The following ROBO2 variants were observed in gnomAD, a reference collection of about 807,000 sequenced individuals.
ROBO2 encodes the protein roundabout guidance receptor 2.
Under a neutral mutation model 160.8 loss-of-function variants are expected in ROBO2, and 53 were observed. The ratio of observed to expected loss-of-function variants is 0.33; its 90% CI spans 0.26 to 0.41. The LOEUF (loss-of-function observed/expected upper bound fraction) is 0.41. ROBO2 is among the 10% of genes least tolerant of loss of function. The pLI, the probability that ROBO2 is intolerant of heterozygous loss-of-function variation, is 1.00. For synonymous variants in ROBO2, 664 were observed against 611.7 expected (o/e 1.09, Z -1.26); for missense variants, 1,577 against 1,722.4 (o/e 0.92, Z 1.49).
At chr3:76,206,326 A>G (rs1024461330) in intron 2 of ROBO2, among the ~76,000 whole-genome samples, 18 of 152,140 alleles carry the variant, frequency 1.2e-4, no homozygotes, top group Admixed American at 7.2e-4. Flanking sequence ...CTTAATTAAT[A>G]TCAATTTCTG....
intron 2 of ROBO2, among the ~76,000 whole-genome samples, chr3:76,152,245 C>A (rs963564781): frequency 1.4e-4 from 22 of 152,090 alleles, no homozygotes; most frequent in African/African-American, 5.3e-4. Context: ...GGGTAAATGG[C>A]AGCTGCATTC....
intron 2 of ROBO2, among the ~76,000 whole-genome samples, chr3:77,213,890 T>G (rs1440064575): frequency 1.3e-5 from 2 of 152,202 alleles, no homozygotes. Context: ...TGAGCGGTTT[T>G]GAGTAAGTTT....
chr3:77,552,385 T>A (rs2092951664), intron 8 of ROBO2, among the ~76,000 whole-genome samples: 1 of 151,992 alleles, frequency 6.6e-6, no homozygotes, highest in Non-Finnish European at 1.5e-5. Flanking sequence ...GCAAACCATA[T>A]TTGTGGGAAG....
chr3:76,484,495 C>T (rs2079385423), intron 2 of ROBO2, among the ~76,000 whole-genome samples: 1 of 152,116 alleles, frequency 6.6e-6, no homozygotes, highest in African/African-American at 2.4e-5. Context: ...GCACGGAAAG[C>T]TCAACAGAAT....
At chr3:76,366,148 A>T (rs77621146) in intron 2 of ROBO2, among the ~76,000 whole-genome samples, 2,105 of 152,112 alleles carry the variant, frequency 0.014, 38 homozygotes, top group Admixed American at 0.038. Flanking sequence ...ATGTCTGTCT[A>T]CATGGCTAAT....
intron 2 of ROBO2, among the ~76,000 whole-genome samples, chr3:76,310,758 G>A (rs1024411374): frequency 6.6e-5 from 10 of 152,114 alleles, no homozygotes; most frequent in East Asian, 5.8e-4. Flanking sequence ...TGAAGCAGGC[G>A]TTATCCGTGG....
chr3:77,621,726 T>C (rs1039522263), intron 22 of ROBO2, among the ~76,000 whole-genome samples: 2 of 151,984 alleles, frequency 1.3e-5, no homozygotes, highest in African/African-American at 4.8e-5. Context: ...AGAGATCGTG[T>C]GGGGAGGAAG....
intron 2 of ROBO2, among the ~76,000 whole-genome samples, chr3:76,454,140 T>C (rs1203864520): frequency 6.6e-6 from 1 of 152,164 alleles, no homozygotes; most frequent in Non-Finnish European, 1.5e-5. Context: ...AGAAACCTTT[T>C]GTGAGTACTT....
intron 2 of ROBO2, among the ~76,000 whole-genome samples, chr3:77,370,642 T>A (rs2071611393): frequency 6.6e-6 from 1 of 152,238 alleles, no homozygotes; most frequent in Non-Finnish European, 1.5e-5. Flanking sequence ...CACTGCCATT[T>A]TTTGGTATGA....
intron 2 of ROBO2, among the ~76,000 whole-genome samples, chr3:76,257,411 C>T (rs1041564495): frequency 7.2e-5 from 11 of 151,994 alleles, no homozygotes; most frequent in African/African-American, 2.7e-4. Flanking sequence ...AAACTTTGTG[C>T]CAAGGAGACA....
Position 77,633,605 on chromosome 3 carries a change from A to C in ROBO2, c.3761-1265A>C, listed in dbSNP as rs184172113. 4.6e-3 allele frequency: 696 copies of C among 152,326 alleles called. 6 individuals carry two copies. The highest frequency in any genetic ancestry group is 0.016 in the African/African-American group (650 of 41,580). The allele number at this position is 152,326 out of a possible 1,614,324, so 9.4% of individuals were successfully genotyped here. On this transcript the variant is annotated intron_variant, in intron 23 of 25. Coordinates refer to ENST00000461745, the Ensembl canonical transcript of ROBO2. ...AGAAAAAAGATTTTTACCCTTCACTAAACTCTCAGGTTATAAAAATGAGTC... is the reference window on the plus strand; with the variant it reads ...AGAAAAAAGATTTTTACCCTTCACTCAACTCTCAGGTTATAAAAATGAGTC...
At chr3:76,005,133 C>T (rs1358752796) in intron 2 of ROBO2, among the ~76,000 whole-genome samples, 1 of 152,166 alleles carries the variant, frequency 6.6e-6, no homozygotes, top group Non-Finnish European at 1.5e-5. Flanking sequence ...GTTTCCAGAA[C>T]CATAAAGAAT....
intron 1 of ROBO2, among the ~76,000 whole-genome samples, chr3:77,047,532 T>C (rs117779342): frequency 6.7e-6 from 1 of 149,234 alleles, no homozygotes; most frequent in Non-Finnish European, 1.5e-5. Flanking sequence ...TTAAAAAAAA[T>C]ACAAAAATTG....
At position 77,149,274 on chromosome 3, in the gene ROBO2, A is replaced by T. The variant is rs1055501820; in HGVS notation, c.388+50934A>T. ...CTGGTCTTAAACTCCTGACCTCGTG[A>T]TTTGCTTGCCTCGGGCTCCTAAAGT... On this transcript the variant is annotated intron_variant, in intron 2 of 25. Transcript: ENST00000461745. Among the ~76,000 whole-genome samples the T allele has an allele frequency of 2.0e-5, 3 of 151,862 alleles. No individual in the cohort carries two copies. The East Asian group carries it at 5.8e-4, about 29-fold the overall frequency.
chr3:77,389,760 T>A (rs78824774), intron 2 of ROBO2, among the ~76,000 whole-genome samples: 5,413 of 151,854 alleles, frequency 0.036, 346 homozygotes, highest in African/African-American at 0.12. Context: ...AACTTTTTTT[T>A]AAAAAAAAGA....
intron 2 of ROBO2, among the ~76,000 whole-genome samples, chr3:77,194,544 GTTGAATTCATTAC>G (rs1427350288): frequency 2.6e-5 from 4 of 152,076 alleles, no homozygotes; most frequent in Middle Eastern, 6.8e-3. Flanking sequence ...AACTCAACAA[GTTGAATTCATTAC>G]TTGAATTCAT....
Position 77,054,924 on chromosome 3 carries a change from GTGTA to G in ROBO2, c.61+14082_61+14085del, listed in dbSNP as rs1380798908. ...GCGCCTGCAGTCCACAAAATCTCGCGTGTATGTGTGTGTGTGTGTGTGTGTGTGT... is the reference window on the plus strand; with the variant it reads ...GCGCCTGCAGTCCACAAAATCTCGCGTGTGTGTGTGTGTGTGTGTGTGTGT... On this transcript the variant is annotated intron_variant, in intron 1 of 25. Transcript: ENST00000461745. 4.3e-3 allele frequency among the ~76,000 whole-genome samples: 260 copies of G among 60,504 alleles called. 1 individual carries two copies. The highest frequency in any genetic ancestry group is 0.012 in the African/African-American group (249 of 20,410). The allele number at this position is 60,504 out of a possible 152,430, so 39.7% of individuals were successfully genotyped here.
At chr3:77,151,187 T>C (rs1043507480) in intron 2 of ROBO2, among the ~76,000 whole-genome samples, 3 of 152,142 alleles carry the variant, frequency 2.0e-5, no homozygotes, top group African/African-American at 7.2e-5. Context: ...CTTTAGAAGG[T>C]AGTTGTTACT....
At chr3:76,764,195 T>C (rs149097287) in intron 2 of ROBO2, among the ~76,000 whole-genome samples, 1 of 151,830 alleles carries the variant, frequency 6.6e-6, no homozygotes, top group Admixed American at 6.6e-5. Context: ...GATTACTGTA[T>C]GTAAATGCAA....
Sources: allele counts gnomAD v4.1 joint callset (sites outside exome capture counted in the v4.1 genomes callset), GRCh38; gene constraint gnomAD v4.1.1; transcripts MANE v1.5; gene names NCBI Gene and HGNC (gene_info 2026-07-23, HGNC 2026-07-21).